CCDC60: variants seen among roughly 807,000 people sequenced by gnomAD.
CCDC60 encodes coiled-coil domain-containing protein 60.
A neutral mutation model predicts 63.5 loss-of-function variants in CCDC60; 54 were observed. The ratio of observed to expected loss-of-function variants is 0.85; its 90% confidence interval spans 0.68 to 1.07. The LOEUF (loss-of-function observed/expected upper bound fraction) is 1.07. CCDC60 is among the 50% of genes least tolerant of loss of function. CCDC60 has a pLI of 0.00. For synonymous variants in CCDC60, 206 were observed against 238.8 expected, an observed-to-expected ratio of 0.86 and a Z score of 1.27; for missense variants, 651 against 684.3, an observed-to-expected ratio of 0.95 and a Z score of 0.54.
In CCDC60 at chr12:119,349,176, G is replaced by T. The variant is rs75159619; in HGVS notation, c.90+13910G>T. Among the ~76,000 whole-genome samples, 308 of 152,128 alleles carry T rather than the reference G, an allele frequency of 2.0e-3. 2 individuals carry two copies. The highest frequency in any genetic ancestry group is 7.2e-3 in the African/African-American group (297 of 41,506). On this transcript the variant is annotated intron_variant, in intron 1 of 13. Transcript: ENST00000327554. ...TTGACTTTTTACTGGGGGTGGGTGG[G>T]TTGAGAGAAAATATGCCCCCACTCT... is the stretch of plus-strand genomic sequence containing the variant.
intron 7 of CCDC60, among the ~76,000 whole-genome samples, chr12:119,515,275 T>C (rs1398971977): frequency 6.6e-6 from 1 of 152,160 alleles, no homozygotes; most frequent in East Asian, 1.9e-4. Context: ...ATTCAACCCA[T>C]AACAGTCAGG....
At chr12:119,357,558 G>A (rs999011975) in intron 1 of CCDC60, among the ~76,000 whole-genome samples, 2 of 151,772 alleles carry the variant, frequency 1.3e-5, no homozygotes, top group East Asian at 3.9e-4. Context: ...AAGTTTAAGC[G>A]ATTCTCCTGC....
intron 4 of CCDC60, 55 bp downstream of exon 4, chr12:119,479,256 A>G (rs1951247846): frequency 7.9e-7 from 1 of 1,262,578 alleles, no homozygotes; most frequent in South Asian, 1.2e-5. Flanking sequence ...ATTGAAGCCG[A>G]ACTGAAATGA....
In CCDC60 at chr12:119,483,635, A is replaced by T. The variant is rs115670270; in HGVS notation, c.449+4434A>T. ...CATTTTCCAATTTCTCTTGTAAAAG[A>T]AAAAAAAATGCTTTCTTCTCAGAGA... On this transcript the variant is annotated intron_variant, in intron 4 of 13. Transcript: ENST00000327554. 5.9e-3 allele frequency among the ~76,000 whole-genome samples: 892 copies of T among 151,692 alleles called. 9 individuals carry two copies. The highest frequency in any genetic ancestry group is 0.021 in the African/African-American group (859 of 41,372).
chr12:119,502,557 T>C (rs1951881290), intron 6 of CCDC60, among the ~76,000 whole-genome samples: 1 of 152,202 alleles, frequency 6.6e-6, no homozygotes, highest in Admixed American at 6.5e-5. Flanking sequence ...CCCCTACATT[T>C]TATTTTTCTG....
intron 5 of CCDC60, among the ~76,000 whole-genome samples, chr12:119,494,133 A>C (rs1355790825): frequency 6.6e-6 from 1 of 152,222 alleles, no homozygotes; most frequent in Non-Finnish European, 1.5e-5. Context: ...TTTTATTCTT[A>C]TTAGAGACCA....
intron 3 of CCDC60, among the ~76,000 whole-genome samples, chr12:119,477,391 C>A (rs1951198458): frequency 6.6e-6 from 1 of 152,192 alleles, no homozygotes; most frequent in South Asian, 2.1e-4. Flanking sequence ...CCCTGGTTTC[C>A]ATTTCAGTCA....
At chr12:119,455,080 C>CG (rs1307997058) in intron 2 of CCDC60, among the ~76,000 whole-genome samples, 3 of 152,118 alleles carry the variant, frequency 2.0e-5, no homozygotes, top group African/African-American at 7.2e-5. Flanking sequence ...CCTAGCCTAT[C>CG]GGGAAAGGCA....
At chr12:119,442,004 C>CAAAT (rs1950456102) in intron 2 of CCDC60, among the ~76,000 whole-genome samples, 1 of 151,954 alleles carries the variant, frequency 6.6e-6, no homozygotes, top group African/African-American at 2.4e-5. Context: ...TTAAAACGCA[C>CAAAT]AAATAATACA....
chr12:119,468,689 A>ATTT (rs35047751), intron 2 of CCDC60, among the ~76,000 whole-genome samples: 3 of 152,072 alleles, frequency 2.0e-5, no homozygotes, highest in East Asian at 3.9e-4. Context: ...AATGAAAAGA[A>ATTT]TTTTATTTAA....
At chr12:119,433,163 G>C (rs1159250489) in intron 2 of CCDC60, among the ~76,000 whole-genome samples, 1 of 3,648 alleles carries the variant, frequency 2.7e-4, no homozygotes, top group Non-Finnish European at 5.4e-4. Context: ...CCGACAGAGA[G>C]TTGTTAAACA....
intron 13 of CCDC60, among the ~76,000 whole-genome samples, chr12:119,540,011 C>T (rs1953112325): frequency 6.6e-6 from 1 of 152,178 alleles, no homozygotes; most frequent in South Asian, 2.1e-4. Flanking sequence ...TGTGCTGCAC[C>T]CACTGTCTAA....
At chr12:119,407,620 G>A (rs1956517669) in intron 1 of CCDC60, among the ~76,000 whole-genome samples, 1 of 152,178 alleles carries the variant, frequency 6.6e-6, no homozygotes, top group African/African-American at 2.4e-5. Flanking sequence ...GCCCGAGATT[G>A]TTGTTCTACT....
intron 1 of CCDC60, among the ~76,000 whole-genome samples, chr12:119,393,918 G>A (rs566190074): frequency 2.6e-5 from 4 of 152,154 alleles, no homozygotes; most frequent in Non-Finnish European, 5.9e-5. Context: ...AAGTGAGCAC[G>A]TACACACGCC....
Position 119,350,111 on chromosome 12 carries a change from G to A in CCDC60, c.90+14845G>A, listed in dbSNP as rs1365927234. On this transcript the variant is annotated intron_variant, in intron 1 of 13. Transcript: ENST00000327554. ...TGGTTTCAGGCAGGCCACCCAGGAG[G>A]GAGATGTGGGGTGTGCCCCTATCTT... 2.0e-5 allele frequency among the ~76,000 whole-genome samples: 3 copies of A among 152,284 alleles called. No homozygotes were observed. The East Asian group carries it at 5.8e-4, about 29-fold the overall frequency.
intron 1 of CCDC60, among the ~76,000 whole-genome samples, chr12:119,352,301 G>A (rs952373160): frequency 6.6e-6 from 1 of 152,144 alleles, no homozygotes; most frequent in African/African-American, 2.4e-5. Context: ...ATTTGAATGG[G>A]GACATGGGTC....
intron 11 of CCDC60, 98 bp downstream of exon 11, chr12:119,523,916 GAAGAA>G: frequency 7.6e-7 from 1 of 1,309,696 alleles, no homozygotes; most frequent in Non-Finnish European, 1.1e-6. Flanking sequence ...TCACAAACAA[GAAGAA>G]CTTGTTCTCT....
intron 1 of CCDC60, among the ~76,000 whole-genome samples, chr12:119,413,724 G>A (rs976047443): frequency 6.6e-6 from 1 of 151,978 alleles, no homozygotes; most frequent in Non-Finnish European, 1.5e-5. Flanking sequence ...AGGGGATTCC[G>A]ACTCCACATT....
At chr12:119,358,134 A>T (rs1246278511) in intron 1 of CCDC60, among the ~76,000 whole-genome samples, 1 of 152,104 alleles carries the variant, frequency 6.6e-6, no homozygotes, top group Non-Finnish European at 1.5e-5. Context: ...CCACAATCCA[A>T]TCACCTCCCA....
Sources: allele counts gnomAD v4.1 joint callset (sites outside exome capture counted in the v4.1 genomes callset), GRCh38; gene constraint gnomAD v4.1.1; transcripts MANE v1.5; gene names NCBI Gene and HGNC (gene_info 2026-07-23, HGNC 2026-07-21).